The following COL5A2 variants were observed in gnomAD, a reference collection of about 807,000 sequenced individuals.
COL5A2 encodes the protein collagen type V alpha 2 chain.
A neutral mutation model predicts 208.2 loss-of-function variants in COL5A2; 23 were observed. The observed-to-expected ratio is 0.11, with a 90% confidence interval of 0.08 to 0.16. The LOEUF (loss-of-function observed/expected upper bound fraction) is 0.16, where lower values mean the gene tolerates loss of function less well. Ranked by LOEUF, COL5A2 falls within the 10% of genes least tolerant of loss-of-function variation. The pLI is 1.00. For synonymous variants in COL5A2, 625 were observed against 628.5 expected (o/e 0.99, Z 0.08); for missense variants, 1,590 against 1,956.4 (o/e 0.81, Z 3.53).
intron 1 of COL5A2, among the ~76,000 whole-genome samples, chr2:189,166,822 A>G (rs747919251): frequency 5.9e-5 from 9 of 152,256 alleles, no homozygotes; most frequent in Non-Finnish European, 1.2e-4. Context: ...TTGTATGACA[A>G]GAGCATAATA....
chr2:189,140,627 C>T (rs1042220009), intron 1 of COL5A2, among the ~76,000 whole-genome samples: 1 of 152,064 alleles, frequency 6.6e-6, no homozygotes, highest in Non-Finnish European at 1.5e-5. Context: ...ATAGTTACAG[C>T]TTTACATTTC....
At position 189,060,803 on chromosome 2, in the gene COL5A2, A is replaced by T. The variant is rs541152175; in HGVS notation, c.2032-20T>A. 1.2e-6 allele frequency: 2 copies of T among 1,607,826 alleles called. No homozygotes were observed. Among genetic ancestry groups the T allele is most frequent in the African/African-American group, 2.7e-5 (2 of 74,940 alleles). ...AAGCCCCTAAAACAAAAGTAAGAAA[A>T]TAAAATTGTGAATCTGTGTAAGTTT... On this transcript the variant is annotated intron_variant, in intron 30 of 53. Coordinates refer to ENST00000374866, the MANE Select transcript of COL5A2 (RefSeq NM_000393.5).
In COL5A2 at chr2:189,033,749, A is replaced by G. The variant is rs1322444671; in HGVS notation, c.*321T>C. The G allele has an allele frequency of 2.9e-6, 1 of 350,116 alleles. No homozygotes were observed. Among genetic ancestry groups the G allele is most frequent in the African/African-American group, 2.1e-5 (1 of 47,942 alleles). 21.7% of individuals were successfully genotyped at this position (350,116 alleles called of 1,614,324 possible). On this transcript the variant is annotated 3_prime_UTR_variant, in exon 54 of 54. Coordinates refer to ENST00000374866, the MANE Select transcript of COL5A2 (RefSeq NM_000393.5). Reference sequence around the variant, plus strand: ...ATAAATACTAAGCAACTTTTTCATTACACTGAAATAAATTGAAGAAAACGG... The same window carrying G: ...ATAAATACTAAGCAACTTTTTCATTGCACTGAAATAAATTGAAGAAAACGG...
chr2:189,116,726 T>A (rs1273137848), intron 1 of COL5A2, among the ~76,000 whole-genome samples: 1 of 152,196 alleles, frequency 6.6e-6, no homozygotes, highest in Non-Finnish European at 1.5e-5. Context: ...TTATTACTTT[T>A]TCTGTGCCCT....
At chr2:189,408,810 G>C in the COL5A2 span, among the ~76,000 whole-genome samples, 1 of 152,020 alleles carries the variant, frequency 6.6e-6, no homozygotes, top group Non-Finnish European at 1.5e-5. Flanking sequence ...GAGTTATCCA[G>C]ATATATTTGT....
chr2:189,080,308 C>A (rs1324362516), intron 13 of COL5A2, among the ~76,000 whole-genome samples: 3 of 152,190 alleles, frequency 2.0e-5, no homozygotes, highest in African/African-American at 7.2e-5. Flanking sequence ...CAAATAAAAA[C>A]CTTACAGTGG....
chr2:189,342,010 T>G, the COL5A2 span, among the ~76,000 whole-genome samples: 1 of 152,060 alleles, frequency 6.6e-6, no homozygotes, highest in Non-Finnish European at 1.5e-5. Flanking sequence ...CTACCTGAAA[T>G]AAGCACCATT....
chr2:189,385,097 T>C, the COL5A2 span, among the ~76,000 whole-genome samples: 2 of 152,268 alleles, frequency 1.3e-5, no homozygotes, highest in South Asian at 2.1e-4. Context: ...TTGATAAATA[T>C]AATGAACTAA....
At chr2:189,170,541 A>G (rs1688553740) in intron 1 of COL5A2, among the ~76,000 whole-genome samples, 1 of 152,200 alleles carries the variant, frequency 6.6e-6, no homozygotes, top group South Asian at 2.1e-4. Flanking sequence ...GGGAAGATAA[A>G]AAGAGAAGCA....
chr2:189,325,634 A>T, the COL5A2 span, among the ~76,000 whole-genome samples: 1 of 152,116 alleles, frequency 6.6e-6, no homozygotes, highest in Non-Finnish European at 1.5e-5. Flanking sequence ...ATTTGTTTGT[A>T]TATATTTGAG....
chr2:189,203,616 G>A (rs1003150249), intron 1 of COL5A2, among the ~76,000 whole-genome samples: 1 of 152,100 alleles, frequency 6.6e-6, no homozygotes, highest in African/African-American at 2.4e-5. Context: ...TTTCATGGTC[G>A]AGGCCACGCC....
At chr2:189,185,963 G>C (rs1688846281) in intron 1 of COL5A2, among the ~76,000 whole-genome samples, 3 of 152,048 alleles carry the variant, frequency 2.0e-5, no homozygotes, top group Admixed American at 2.0e-4. Context: ...GCATAGAAAT[G>C]ATTAGGTGCA....
At chr2:189,114,940 A>C (rs1212440716) in intron 1 of COL5A2, among the ~76,000 whole-genome samples, 1 of 152,092 alleles carries the variant, frequency 6.6e-6, no homozygotes, top group African/African-American at 2.4e-5. Flanking sequence ...ATAATTTTGC[A>C]TTACTTGTAT....
At chr2:189,312,116 G>A in the COL5A2 span, 12 of 851,016 alleles carry the variant, frequency 1.4e-5, no homozygotes, top group South Asian at 6.6e-5. Flanking sequence ...CAGCATTTGC[G>A]AAGATCTGAG....
the COL5A2 span, among the ~76,000 whole-genome samples, chr2:189,373,164 T>C: frequency 6.6e-6 from 1 of 152,142 alleles, no homozygotes. Context: ...AAAGGATGCC[T>C]TTTTTCTGTT....
At chr2:189,113,982 A>G (rs988674007) in intron 1 of COL5A2, among the ~76,000 whole-genome samples, 19 of 152,176 alleles carry the variant, frequency 1.2e-4, no homozygotes, top group African/African-American at 4.6e-4. Context: ...TGAAAGTTTA[A>G]GACAACATAA....
chr2:189,400,751 C>A, the COL5A2 span, among the ~76,000 whole-genome samples: 1 of 152,082 alleles, frequency 6.6e-6, no homozygotes, highest in Non-Finnish European at 1.5e-5. Flanking sequence ...AGAAATATTT[C>A]CTTTTGCAAA....
chr2:189,318,129 G>A, the COL5A2 span, among the ~76,000 whole-genome samples: 1 of 152,138 alleles, frequency 6.6e-6, no homozygotes, highest in Non-Finnish European at 1.5e-5. Context: ...ATCTGACCCT[G>A]TAGAACACCT....
At chr2:189,065,229 G>C (rs2105596300) in intron 23 of COL5A2, among the ~76,000 whole-genome samples, 172 bp from the exon 24 acceptor site, 1 of 152,304 alleles carries the variant, frequency 6.6e-6, no homozygotes, top group Non-Finnish European at 1.5e-5. Context: ...TTAAAATTTT[G>C]AAGAATATAT....
Sources: allele counts gnomAD v4.1 joint callset (sites outside exome capture counted in the v4.1 genomes callset), GRCh38; gene constraint gnomAD v4.1.1; transcripts MANE v1.5; gene names NCBI Gene and HGNC (gene_info 2026-07-23, HGNC 2026-07-21).